Variants in RANBP17 observed in about 807,000 individuals in gnomAD.
RANBP17 encodes the protein ran-binding protein 17.
A neutral mutation model predicts 141.2 loss-of-function variants in RANBP17; 158 were observed. The observed-to-expected ratio is 1.12, with a 90% CI of 0.98 to 1.28. RANBP17 has a LOEUF of 1.28. Among genes scored for constraint, RANBP17 ranks in the 50% most tolerant of loss-of-function variants. RANBP17 has a pLI of 0.00. For missense variants in RANBP17, 1,438 were observed against 1,290.7 expected (o/e 1.11, Z -1.75); for synonymous variants, 430 against 450.0 (o/e 0.96, Z 0.56).
intron 25 of RANBP17, among the ~76,000 whole-genome samples, chr5:171,289,657 G>C (rs1037775476): frequency 6.6e-6 from 1 of 152,056 alleles, no homozygotes; most frequent in African/African-American, 2.4e-5. Context: ...AGTTGCTTGA[G>C]ACCAGGAGTT....
At chr5:171,089,463 T>G (rs1440285672) in intron 14 of RANBP17, among the ~76,000 whole-genome samples, 2 of 152,052 alleles carry the variant, frequency 1.3e-5, no homozygotes, top group Non-Finnish European at 2.9e-5. Context: ...CAGGCAGGCC[T>G]CCTTGAGCTG....
intron 12 of RANBP17, among the ~76,000 whole-genome samples, chr5:170,935,825 CA>C (rs1205221229): frequency 6.6e-6 from 1 of 152,190 alleles, no homozygotes; most frequent in Admixed American, 6.5e-5. Flanking sequence ...TCAAAGCTGT[CA>C]GACAGGGACG....
At chr5:171,064,502 T>G (rs563328848) in intron 14 of RANBP17, among the ~76,000 whole-genome samples, 10 of 152,298 alleles carry the variant, frequency 6.6e-5, no homozygotes, top group Admixed American at 4.6e-4. Flanking sequence ...TTGTTTGTTT[T>G]TTTGTTTGTT....
intron 14 of RANBP17, among the ~76,000 whole-genome samples, chr5:170,997,110 T>G (rs1269696158): frequency 6.6e-6 from 1 of 152,096 alleles, no homozygotes; most frequent in Non-Finnish European, 1.5e-5. Flanking sequence ...GATGGTTTTA[T>G]GTGTTTGGTA....
At chr5:171,283,941 A>C (rs990503851) in intron 25 of RANBP17, among the ~76,000 whole-genome samples, 2 of 152,058 alleles carry the variant, frequency 1.3e-5, no homozygotes, top group African/African-American at 4.8e-5. Context: ...TACAATATTC[A>C]TTGCACTCTC....
At chr5:171,228,229 TGTGATTCACAGGA>T (rs1162954774) in intron 22 of RANBP17, among the ~76,000 whole-genome samples, 2 of 152,216 alleles carry the variant, frequency 1.3e-5, no homozygotes, top group Non-Finnish European at 2.9e-5. Flanking sequence ...CAAGAACATT[TGTGATTCACAGGA>T]GGAGGTGAAA....
intron 19 of RANBP17, among the ~76,000 whole-genome samples, chr5:171,201,052 T>A (rs909808553): frequency 2.6e-5 from 4 of 152,244 alleles, no homozygotes; most frequent in African/African-American, 9.6e-5. Context: ...AGCAGTGAAG[T>A]TGAAAAACAT....
intron 14 of RANBP17, among the ~76,000 whole-genome samples, chr5:171,105,338 C>T (rs998769898): frequency 3.5e-5 from 5 of 141,092 alleles, no homozygotes; most frequent in Non-Finnish European, 6.1e-5. Context: ...GCCGAGATCC[C>T]GCCACTGCAC....
intron 18 of RANBP17, among the ~76,000 whole-genome samples, chr5:171,191,410 C>T (rs539922696): frequency 2.6e-5 from 4 of 152,136 alleles, no homozygotes; most frequent in South Asian, 2.1e-4. Context: ...GTTCAGAGGC[C>T]GGGCGCAGTG....
rs377247794 is a variant in RANBP17 at position 171,254,806 on chromosome 5, G to A, written c.2777-10875G>A. Among the ~76,000 whole-genome samples the A allele has an allele frequency of 3.1e-4, 47 of 152,192 alleles. No homozygotes were observed. In the East Asian group the frequency reaches 9.1e-3, roughly 29 times the overall value. Reference sequence around the variant, plus strand: ...TTCTTTATTAAACTCTTTTCAGGCAGTAAATTTTTAAAAAAATCTGTCATT... The same window carrying A: ...TTCTTTATTAAACTCTTTTCAGGCAATAAATTTTTAAAAAAATCTGTCATT... On this transcript the variant is annotated intron_variant, in intron 24 of 27. Coordinates refer to ENST00000523189, the MANE Select transcript of RANBP17 (RefSeq NM_022897.5).
At chr5:171,215,437 T>G (rs571258971) in intron 21 of RANBP17, among the ~76,000 whole-genome samples, 4 of 152,306 alleles carry the variant, frequency 2.6e-5, no homozygotes, top group Non-Finnish European at 4.4e-5. Context: ...GATTGCTGGG[T>G]CAAATGATAT....
At chr5:170,916,209 A>C (rs1222570736) in intron 8 of RANBP17, among the ~76,000 whole-genome samples, 334 of 30,758 alleles carry the variant, frequency 0.011, 4 homozygotes, top group African/African-American at 0.029. Context: ...ATTGCATTAT[A>C]ATGCGTTATA....
At chr5:171,221,945 A>G (rs1763588697) in intron 22 of RANBP17, 105 bp downstream of exon 22, 2 of 758,848 alleles carry the variant, frequency 2.6e-6, no homozygotes, top group Admixed American at 2.8e-5. Context: ...ATCTTTATGA[A>G]TTTGTGAAGT....
intron 14 of RANBP17, among the ~76,000 whole-genome samples, chr5:171,145,806 G>A (rs935258840): frequency 8.5e-5 from 13 of 152,130 alleles, no homozygotes; most frequent in Admixed American, 5.9e-4. Flanking sequence ...CTATGAAGTC[G>A]TGTAGTGGAT....
intron 13 of RANBP17, among the ~76,000 whole-genome samples, chr5:170,965,480 A>G (rs996937453): frequency 5.3e-5 from 8 of 152,204 alleles, no homozygotes; most frequent in South Asian, 2.1e-4. Flanking sequence ...GCCCATGCCT[A>G]TGTTCTGAAT....
intron 14 of RANBP17, among the ~76,000 whole-genome samples, chr5:171,012,070 A>G: frequency 1.1e-5 from 1 of 91,814 alleles, no homozygotes; most frequent in East Asian, 4.8e-4. Context: ...GTTTAAACGA[A>G]TATATTGTTT....
chr5:171,084,182 A>T (rs536786266), intron 14 of RANBP17, among the ~76,000 whole-genome samples: 1 of 144,668 alleles, frequency 6.9e-6, no homozygotes. Context: ...TCATAGTTCA[A>T]TTCCCACCTA....
chr5:171,073,954 G>A (rs191153077), intron 14 of RANBP17, among the ~76,000 whole-genome samples: 112 of 151,744 alleles, frequency 7.4e-4, no homozygotes, highest in Middle Eastern at 3.4e-3. Flanking sequence ...TGAATTCTTC[G>A]GAGAAAACAG....
At chr5:170,989,400 T>TA (rs1274834089) in intron 14 of RANBP17, among the ~76,000 whole-genome samples, 2 of 151,744 alleles carry the variant, frequency 1.3e-5, no homozygotes, top group Admixed American at 6.6e-5. Context: ...GTAATCGAAA[T>TA]ATTGCGAAAA....
Sources: gnomAD v4.1 joint callset for allele counts (sites outside exome capture counted in the v4.1 genomes callset) on GRCh38, gnomAD v4.1.1 for gene constraint, MANE v1.5 for transcripts, NCBI Gene and HGNC (gene_info 2026-07-23, HGNC 2026-07-21) for gene names.